The following SLC4A4 variants were observed in gnomAD, a reference collection of about 807,000 sequenced individuals.
The protein encoded by SLC4A4 is solute carrier family 4 member 4, also known as electrogenic sodium bicarbonate cotransporter 1.
A neutral mutation model predicts 111.5 loss-of-function variants in SLC4A4; 27 were observed. The observed-to-expected ratio is 0.24, with a 90% confidence interval of 0.18 to 0.33. SLC4A4 has a LOEUF of 0.33. SLC4A4 is among the 10% of genes least tolerant of loss of function. The probability of loss-of-function intolerance (pLI) is 1.00; values close to 1 mark genes in which losing one functional copy is unlikely to be tolerated. For synonymous variants in SLC4A4, 443 were observed against 463.4 expected (o/e 0.96, Z 0.57); for missense variants, 909 against 1,315.5 (o/e 0.69, Z 4.78).
intron 6 of SLC4A4, among the ~76,000 whole-genome samples, chr4:71,396,347 G>A (rs1282916567): frequency 1.3e-5 from 2 of 152,094 alleles, no homozygotes; most frequent in African/African-American, 4.8e-5. Context: ...GTAGTTAAAA[G>A]GAATGATATT....
chr4:71,348,687 T>C (rs1729548374), intron 4 of SLC4A4, among the ~76,000 whole-genome samples: 1 of 152,142 alleles, frequency 6.6e-6, no homozygotes. Context: ...ATTAACATTC[T>C]AAATTTTCTT....
At chr4:71,378,187 T>G (rs1392564020) in intron 6 of SLC4A4, among the ~76,000 whole-genome samples, 2 of 152,120 alleles carry the variant, frequency 1.3e-5, no homozygotes, top group East Asian at 3.9e-4. Context: ...TGTGTCCACA[T>G]CTCACTTTGA....
chr4:71,520,439 T>C lies in SLC4A4; in HGVS notation c.2167-11623T>C, dbSNP rs190114119. The stretch of plus-strand genomic sequence containing the variant: ...TAGTGGAAACCAGTCAAGTACAGAT[T>C]AGTGCTGCATTTTGTGGGAAGAGCA... On this transcript the variant is annotated intron_variant, in intron 16 of 25. Transcript: ENST00000264485. Among the ~76,000 whole-genome samples, 43 of 152,330 alleles carry C rather than the reference T, an allele frequency of 2.8e-4. 1 individual carries two copies. The East Asian group carries it at 7.9e-3, about 28-fold the overall frequency.
intron 7 of SLC4A4, among the ~76,000 whole-genome samples, chr4:71,400,148 T>C (rs185204041): frequency 1.2e-4 from 19 of 152,326 alleles, no homozygotes; most frequent in Admixed American, 7.8e-4. Context: ...GGAAGCCTTC[T>C]TTTATTAAGG....
At chr4:71,300,993 A>C in intron 3 of SLC4A4, 1 of 469,378 alleles carries the variant, frequency 2.1e-6, no homozygotes, top group Non-Finnish European at 4.4e-6. Context: ...TTAGTGCCAG[A>C]GTGGGGGCCC....
chr4:71,152,304 A>G (rs137883147), intron 2 of SLC4A4, among the ~76,000 whole-genome samples: 3 of 152,252 alleles, frequency 2.0e-5, no homozygotes, highest in Admixed American at 6.5e-5. Context: ...TCTAAATAAT[A>G]CAACATATAT....
intron 1 of SLC4A4, among the ~76,000 whole-genome samples, chr4:71,063,572 T>A (rs1157823903): frequency 6.6e-6 from 1 of 152,126 alleles, no homozygotes; most frequent in African/African-American, 2.4e-5. Context: ...TTAATATGTG[T>A]AAAAATTCTA....
chr4:71,329,720 T>A (rs555411190), intron 3 of SLC4A4, among the ~76,000 whole-genome samples: 79 of 152,278 alleles, frequency 5.2e-4, no homozygotes, highest in Non-Finnish European at 8.2e-4. Context: ...TTTGGTGGAA[T>A]CTTTAGGTTT....
chr4:71,120,641 G>A (rs1743386911), intron 2 of SLC4A4, among the ~76,000 whole-genome samples: 3 of 152,190 alleles, frequency 2.0e-5, no homozygotes, highest in Non-Finnish European at 4.4e-5. Context: ...GCCGAGGTGG[G>A]AGGATCTCCT....
At chr4:71,536,457 C>CATATATATATATATATATAT (rs1238920856) in intron 18 of SLC4A4, among the ~76,000 whole-genome samples, 476 of 31,146 alleles carry the variant, frequency 0.015, 29 homozygotes, top group South Asian at 0.025. Context: ...TACATATATA[C>CATATATATATATATATATAT]ATATATACAT....
chr4:71,103,417 A>G (rs371739537), intron 2 of SLC4A4, among the ~76,000 whole-genome samples: 2,140 of 152,132 alleles, frequency 0.014, 40 homozygotes, highest in East Asian at 0.048. Flanking sequence ...TGCACCAAGC[A>G]GACCTAATAG....
In SLC4A4 at chr4:71,397,584, A is replaced by C; in HGVS notation, c.738A>C (p.Pro246=). The change falls in exon 7 of 26, where the codon CCA becomes CCC. Residue 246 remains proline (P), a synonymous_variant. Coordinates refer to ENST00000264485, the MANE Select transcript of SLC4A4 (RefSeq NM_001098484.3). ...TTACTTGTGTTTTTCCAGGTAGCCC[A>C]GCCATGACCCATAGGAATCTGACTT... ...RMFTNPDNGS[P]AMTHRNLTSS... is the part of the protein sequence containing the mutation. The C allele has an allele frequency of 6.2e-7, 1 of 1,614,000 alleles. No homozygotes were observed. Among genetic ancestry groups the C allele is most frequent in the South Asian group, 1.1e-5 (1 of 91,084 alleles).
At chr4:71,211,648 T>C (rs1030223594) in intron 1 of SLC4A4, among the ~76,000 whole-genome samples, 28 of 152,336 alleles carry the variant, frequency 1.8e-4, no homozygotes, top group African/African-American at 6.0e-4. Context: ...TCTGCCCTAA[T>C]TTGGTGGACA....
intron 2 of SLC4A4, among the ~76,000 whole-genome samples, chr4:71,147,034 A>T (rs1578523743): frequency 6.6e-6 from 1 of 152,150 alleles, no homozygotes; most frequent in Non-Finnish European, 1.5e-5. Flanking sequence ...AAATAAAGGG[A>T]TGGAGGAAGA....
chr4:71,447,172 G>C (rs1040879814), intron 8 of SLC4A4, among the ~76,000 whole-genome samples: 2 of 152,162 alleles, frequency 1.3e-5, no homozygotes, highest in African/African-American at 4.8e-5. Context: ...AGTCACTTCT[G>C]AGTAGACATA....
intron 3 of SLC4A4, among the ~76,000 whole-genome samples, chr4:71,301,809 G>A (rs115392557): frequency 2.6e-3 from 396 of 152,324 alleles, no homozygotes; most frequent in African/African-American, 8.6e-3. Context: ...AGCCATCCCA[G>A]CCACCTCTGC....
intron 1 of SLC4A4, among the ~76,000 whole-genome samples, chr4:71,220,484 A>G (rs1235618630): frequency 1.3e-5 from 2 of 151,982 alleles, no homozygotes; most frequent in East Asian, 3.9e-4. Flanking sequence ...TTAAAAATAT[A>G]TATAACCTCA....
chr4:71,218,769 C>A (rs1718576281), intron 1 of SLC4A4, among the ~76,000 whole-genome samples: 1 of 152,046 alleles, frequency 6.6e-6, no homozygotes, highest in African/African-American at 2.4e-5. Context: ...TTAAATAATT[C>A]ATATAAAGCA....
chr4:71,134,023 C>T (rs551843134), intron 2 of SLC4A4, among the ~76,000 whole-genome samples: 5 of 152,078 alleles, frequency 3.3e-5, no homozygotes, highest in Non-Finnish European at 5.9e-5. Context: ...TTGAGGTATA[C>T]GGGATGGTGT....
Sources: gnomAD v4.1 joint callset for allele counts (sites outside exome capture counted in the v4.1 genomes callset) on GRCh38, gnomAD v4.1.1 for gene constraint, MANE v1.5 for transcripts, NCBI Gene and HGNC (gene_info 2026-07-23, HGNC 2026-07-21) for gene names.